XRRA1: variants seen among roughly 807,000 people sequenced by gnomAD.
The protein encoded by XRRA1 is X-ray radiation resistance associated 1.
XRRA1 carries 69 observed loss-of-function variants against 80.2 expected under a neutral mutation model. The observed-to-expected ratio is 0.86, with a 90% CI of 0.71 to 1.05. The LOEUF is 1.05. Ranked by LOEUF, XRRA1 falls within the 50% of genes least tolerant of loss-of-function variation. The pLI is 0.00. For synonymous variants in XRRA1, 348 were observed against 389.9 expected (o/e 0.89, Z 1.27); for missense variants, 967 against 976.4 (o/e 0.99, Z 0.13).
At chr11:74,921,062 G>A (rs1013674814) in intron 8 of XRRA1, among the ~76,000 whole-genome samples, 152 bp downstream of exon 8, 1 of 152,200 alleles carries the variant, frequency 6.6e-6, no homozygotes, top group Non-Finnish European at 1.5e-5. Flanking sequence ...GGGGGCGTGT[G>A]TCTGAGGCCT....
intron 8 of XRRA1, among the ~76,000 whole-genome samples, chr11:74,916,493 C>T (rs1342132022): frequency 6.6e-6 from 1 of 152,066 alleles, no homozygotes; most frequent in Non-Finnish European, 1.5e-5. Context: ...TTCTAATTTT[C>T]AGGTTCAAAA....
chr11:74,872,333 G>T (rs1427563220), intron 10 of XRRA1, among the ~76,000 whole-genome samples: 1 of 152,132 alleles, frequency 6.6e-6, no homozygotes, highest in African/African-American at 2.4e-5. Context: ...TATACTGGCA[G>T]CTCCCAATAT....
chr11:74,928,774 T>C (rs923034053), intron 6 of XRRA1, among the ~76,000 whole-genome samples: 1 of 152,200 alleles, frequency 6.6e-6, no homozygotes, highest in Admixed American at 6.5e-5. Context: ...AGTGTGTTAC[T>C]ATAGAATAAT....
intron 12 of XRRA1, among the ~76,000 whole-genome samples, chr11:74,855,857 G>A (rs1591619143): frequency 6.6e-6 from 1 of 152,158 alleles, no homozygotes; most frequent in African/African-American, 2.4e-5. Context: ...TCATGGGGTC[G>A]GGTGTGGTGG....
At chr11:74,844,325 C>T (rs2037407920) in intron 16 of XRRA1, 42 bp from the exon 17 acceptor site, 1 of 1,481,436 alleles carries the variant, frequency 6.8e-7, no homozygotes, top group Non-Finnish European at 9.4e-7. Context: ...ACTTCCCCCT[C>T]CTCCTCCCAG....
At chr11:74,876,471 T>G (rs539142698) in intron 10 of XRRA1, 2 of 152,296 alleles carry the variant, frequency 1.3e-5, no homozygotes, top group Non-Finnish European at 2.9e-5. Flanking sequence ...CCTAGCTCAC[T>G]TCCAACAGGA....
chr11:74,909,058 T>C lies in XRRA1; in HGVS notation c.657-1785A>G, dbSNP rs192347997. On this transcript the variant is annotated intron_variant, in intron 8 of 18. Transcript: ENST00000684022. ...CAGGCACGGCTGTGAGATTCCCCAA[T>C]GTTCTTACAATCAATTCCCCCCTGC... Among the ~76,000 whole-genome samples the C allele has an allele frequency of 8.5e-5, 13 of 152,300 alleles. No homozygotes were observed. The East Asian group carries it at 2.5e-3, about 29-fold the overall frequency.
chr11:74,907,152 G>C lies in XRRA1; in HGVS notation c.778C>G (p.Leu260Val). 6.2e-7 allele frequency: 1 copy of C among 1,613,722 alleles called. No homozygotes were observed. The highest frequency in any genetic ancestry group is 8.5e-7 in the Non-Finnish European group (1 of 1,179,866). The stretch of plus-strand genomic sequence containing the variant: ...AAAGGCTTATGGCTTTACCTCCTGA[G>C]CCCAGCCAGGCTGGCAAAGCAACTG... ...NPSCFASLAG[L>V]RRLKKLSLDE... The change falls in exon 9 of 19, where the codon CTC (leucine) becomes GTC (valine). Residue 260 changes from leucine (L) to valine (V), a missense_variant. By Grantham distance (32) the Leu-to-Val change is conservative. Coordinates refer to ENST00000684022, the MANE Select transcript of XRRA1 (RefSeq NM_001378157.1).
chr11:74,901,178 T>G (rs2053513380), intron 10 of XRRA1, among the ~76,000 whole-genome samples: 2 of 151,490 alleles, frequency 1.3e-5, no homozygotes, highest in South Asian at 4.2e-4. Context: ...GAAAAAGAAA[T>G]AAAAAAGGAA....
At chr11:74,866,028 A>AT (rs1195663844) in intron 10 of XRRA1, among the ~76,000 whole-genome samples, 1 of 152,232 alleles carries the variant, frequency 6.6e-6, no homozygotes, top group Non-Finnish European at 1.5e-5. Flanking sequence ...GAAGAAGGAC[A>AT]GGCACACACA....
At chr11:74,935,885 A>T (rs1339526629) in intron 4 of XRRA1, among the ~76,000 whole-genome samples, 1 of 152,190 alleles carries the variant, frequency 6.6e-6, no homozygotes, top group Non-Finnish European at 1.5e-5. Context: ...GAAACAAGGG[A>T]AGAAAAAAAG....
At chr11:74,845,351 G>T in intron 15 of XRRA1, 80 bp from the exon 16 acceptor site, 1 of 1,422,982 alleles carries the variant, frequency 7.0e-7, no homozygotes, top group Non-Finnish European at 9.6e-7. Context: ...TCATCTCTGT[G>T]CTGGTCTCTG....
intron 10 of XRRA1, among the ~76,000 whole-genome samples, chr11:74,870,536 A>C (rs769554329): frequency 6.6e-6 from 1 of 152,238 alleles, no homozygotes; most frequent in South Asian, 2.1e-4. Flanking sequence ...CAAATGCCAT[A>C]GTAACCAGGA....
At chr11:74,907,545 T>C (rs997901167) in intron 8 of XRRA1, among the ~76,000 whole-genome samples, 20 of 152,048 alleles carry the variant, frequency 1.3e-4, no homozygotes, top group African/African-American at 4.8e-4. Context: ...GGATGGGGGA[T>C]TGTATAGGTA....
At chr11:74,852,411 A>G (rs999124253) in intron 12 of XRRA1, among the ~76,000 whole-genome samples, 2 of 152,222 alleles carry the variant, frequency 1.3e-5, no homozygotes, top group African/African-American at 2.4e-5. Context: ...TAATAAGAAC[A>G]AACACATTTT....
At chr11:74,859,369 G>A in intron 11 of XRRA1, 86 bp from the exon 12 acceptor site, 2 of 1,441,108 alleles carry the variant, frequency 1.4e-6, no homozygotes, top group Admixed American at 2.6e-5. Context: ...ATGGAACAGG[G>A]TGGAATGAAT....
At chr11:74,934,212 G>A (rs1200262074) in intron 4 of XRRA1, among the ~76,000 whole-genome samples, 1 of 152,178 alleles carries the variant, frequency 6.6e-6, no homozygotes, top group Non-Finnish European at 1.5e-5. Context: ...GTTAGTAAGT[G>A]ACAGATCTTA....
intron 8 of XRRA1, 27 bp from the exon 9 acceptor site, chr11:74,907,300 G>T: frequency 3.1e-6 from 5 of 1,612,654 alleles, no homozygotes; most frequent in Non-Finnish European, 4.2e-6. Context: ...CTTGGGTAAT[G>T]AGCAAGGTCG....
chr11:74,929,481 T>TA (rs1943020877), intron 6 of XRRA1, among the ~76,000 whole-genome samples: 1 of 151,944 alleles, frequency 6.6e-6, no homozygotes, highest in Non-Finnish European at 1.5e-5. Context: ...GACTCTCTTT[T>TA]GCCTGCAGCA....
Sources: gnomAD v4.1 joint callset for allele counts (sites outside exome capture counted in the v4.1 genomes callset) on GRCh38, gnomAD v4.1.1 for gene constraint, MANE v1.5 for transcripts, NCBI Gene and HGNC (gene_info 2026-07-23, HGNC 2026-07-21) for gene names.